Variants in RWDD3 observed in about 807,000 individuals in gnomAD.
The protein encoded by RWDD3 is RWD domain containing 3, also known as RWD domain-containing protein 3.
RWDD3 carries 30 observed loss-of-function variants against 26.5 expected under a neutral mutation model. The observed-to-expected ratio is 1.13, with a 90% CI of 0.85 to 1.54. The LOEUF (loss-of-function observed/expected upper bound fraction) is 1.54, where lower values mean the gene tolerates loss of function less well. Ranked by LOEUF, RWDD3 falls within the 40% of genes most tolerant of loss-of-function variation. The pLI, the probability that RWDD3 is intolerant of heterozygous loss-of-function variation, is 0.00. For synonymous variants in RWDD3, 113 were observed against 114.5 expected (o/e 0.99, Z 0.09); for missense variants, 296 against 309.1 (o/e 0.96, Z 0.32).
At chr1:95,242,388 A>G (rs1680667824) in intron 1 of RWDD3, among the ~76,000 whole-genome samples, 1 of 152,144 alleles carries the variant, frequency 6.6e-6, no homozygotes, top group African/African-American at 2.4e-5. Context: ...CAGTGCCTTG[A>G]GCTTAGTAGG....
chr1:95,236,446 T>A (rs1437666956), intron 1 of RWDD3, among the ~76,000 whole-genome samples: 2 of 152,238 alleles, frequency 1.3e-5, no homozygotes, highest in Non-Finnish European at 2.9e-5. Flanking sequence ...GACAGGGAGT[T>A]GACTTCCATT....
At chr1:95,238,019 G>T (rs1404750373) in intron 1 of RWDD3, among the ~76,000 whole-genome samples, 4 of 152,216 alleles carry the variant, frequency 2.6e-5, no homozygotes, top group African/African-American at 9.6e-5. Context: ...AAAGGGGAGT[G>T]TTTGTGCATG....
intron 1 of RWDD3, among the ~76,000 whole-genome samples, chr1:95,242,277 A>G (rs1403490260): frequency 6.6e-6 from 1 of 152,234 alleles, no homozygotes; most frequent in East Asian, 1.9e-4. Context: ...GTCAAGGAAG[A>G]TCACTTGGGA....
In RWDD3 at chr1:95,241,611, G is replaced by C. The variant is rs115678544; in HGVS notation, c.86-2600G>C. Among the ~76,000 whole-genome samples, 933 of 152,292 alleles carry C rather than the reference G, an allele frequency of 6.1e-3. 11 individuals carry two copies. Among genetic ancestry groups the C allele is most frequent in the African/African-American group, 0.021 (857 of 41,558 alleles). ...AAAGTCCTTGAACAAAGATATTAAT[G>C]CCCTTTGCTCAGAAGGCATTCAGAA... On this transcript the variant is annotated intron_variant, in intron 1 of 3. Coordinates refer to ENST00000370202, the MANE Select transcript of RWDD3 (RefSeq NM_015485.5).
chr1:95,241,880 G>A (rs1171098031), intron 1 of RWDD3, among the ~76,000 whole-genome samples: 2 of 152,204 alleles, frequency 1.3e-5, no homozygotes, highest in South Asian at 2.1e-4. Context: ...CCCCAGGGGA[G>A]AGCAGTCATG....
intron 1 of RWDD3, among the ~76,000 whole-genome samples, chr1:95,241,674 C>T (rs1464026610): frequency 1.3e-5 from 2 of 152,168 alleles, no homozygotes; most frequent in African/African-American, 4.8e-5. Context: ...AGACACTGAC[C>T]TAGTGATGGA....
In RWDD3 at chr1:95,244,202, G is replaced by C; in HGVS notation, c.86-9G>C. On this transcript the variant is annotated splice_polypyrimidine_tract_variant and intron_variant, in intron 1 of 3. Transcript: ENST00000370202. ...GTACAGCTAATGATTATTTTTGGATGCCTTCCAGAGACAGATGGGACCGTG... is the reference window on the plus strand; with the variant it reads ...GTACAGCTAATGATTATTTTTGGATCCCTTCCAGAGACAGATGGGACCGTG... 1 of 1,608,562 alleles carries C rather than the reference G, an allele frequency of 6.2e-7. No homozygotes were observed. Among genetic ancestry groups the C allele is most frequent in the Non-Finnish European group, 8.5e-7 (1 of 1,176,120 alleles).
chr1:95,234,236 G>T lies in RWDD3; in HGVS notation c.6G>T (p.Ala2=). M[A]EPVQEELSVL... is the part of the protein sequence containing the mutation. ...AGGCGGTGGGGCCCACAGCCATGGC[G>T]GAGCCTGTGCAGGAGGAGCTCTCGG... The change falls in exon 1 of 4, where the codon GCG becomes GCT. Residue 2 remains alanine (A), a synonymous_variant. Coordinates refer to ENST00000370202, the MANE Select transcript of RWDD3 (RefSeq NM_015485.5). 1 of 1,589,004 alleles carries T rather than the reference G, an allele frequency of 6.3e-7. No individual in the cohort carries two copies. The highest frequency in any genetic ancestry group is 2.3e-5 in the East Asian group (1 of 43,724).
rs138789182 is a variant in RWDD3 at position 95,240,847 on chromosome 1, G to A, written c.86-3364G>A. Among the ~76,000 whole-genome samples, 929 of 150,572 alleles carry A rather than the reference G, an allele frequency of 6.2e-3. 3 individuals are homozygous for A. Among genetic ancestry groups the A allele is most frequent in the South Asian group, 0.019 (91 of 4,776 alleles). On this transcript the variant is annotated intron_variant, in intron 1 of 3. Coordinates refer to ENST00000370202, the MANE Select transcript of RWDD3 (RefSeq NM_015485.5). ...TGAATGCTAAGTATGAAAGAAGGAGGGAAAAAAAAAAGTTGAAGGCAGCTT... is the reference window on the plus strand; with the variant it reads ...TGAATGCTAAGTATGAAAGAAGGAGAGAAAAAAAAAAGTTGAAGGCAGCTT...
intron 1 of RWDD3, chr1:95,239,886 GT>G (rs1287200908): frequency 7.8e-7 from 1 of 1,289,660 alleles, no homozygotes; most frequent in African/African-American, 1.5e-5. Context: ...CTTTCCTGTG[GT>G]TCCCTGCACC....
chr1:95,234,644 T>C (rs77452279), intron 1 of RWDD3, among the ~76,000 whole-genome samples: 2 of 127,708 alleles, frequency 1.6e-5, no homozygotes, highest in Admixed American at 1.8e-4. Flanking sequence ...TAAAGAAGCC[T>C]GTGCTGACGC....
At chr1:95,246,429 A>G (rs1227233412) in intron 2 of RWDD3, 113 bp from the exon 3 acceptor site, 2 of 588,334 alleles carry the variant, frequency 3.4e-6, no homozygotes, top group Admixed American at 3.1e-5. Context: ...TGCTTGATTT[A>G]AAAAGGGGGT....
intron 1 of RWDD3, among the ~76,000 whole-genome samples, chr1:95,238,978 AAGAC>A (rs1192279881): frequency 3.9e-5 from 6 of 152,222 alleles, no homozygotes; most frequent in Non-Finnish European, 7.3e-5. Flanking sequence ...CACTTACTAT[AAGAC>A]AGAATGATTT....
At chr1:95,236,643 C>T (rs1680373487) in intron 1 of RWDD3, among the ~76,000 whole-genome samples, 1 of 152,136 alleles carries the variant, frequency 6.6e-6, no homozygotes, top group African/African-American at 2.4e-5. Context: ...CTTGTCATCC[C>T]TCTTCTGATT....
Position 95,234,257 on chromosome 1 carries a change from C to T in RWDD3, c.27C>T (p.Leu9=). Residue 9 remains leucine, a synonymous_variant, in exon 1 of 4, where the codon CTC becomes CTT. Coordinates refer to ENST00000370202, the MANE Select transcript of RWDD3 (RefSeq NM_015485.5). MAEPVQEE[L]SVLAAIFCRP... is the part of the protein sequence containing the mutation. ...TGGCGGAGCCTGTGCAGGAGGAGCT[C>T]TCGGTCCTGGCCGCGATTTTCTGCA... 1 of 1,597,254 alleles carries T rather than the reference C, an allele frequency of 6.3e-7. No homozygotes were observed. The highest frequency in any genetic ancestry group is 8.5e-7 in the Non-Finnish European group (1 of 1,172,498).
At chr1:95,235,349 GC>G (rs1680279694) in intron 1 of RWDD3, among the ~76,000 whole-genome samples, 2 of 63,128 alleles carry the variant, frequency 3.2e-5, no homozygotes, top group South Asian at 7.5e-4. Flanking sequence ...ACTGCGCCCG[GC>G]CTTTTTTTTT....
intron 1 of RWDD3, among the ~76,000 whole-genome samples, chr1:95,240,849 A>G (rs1041322925): frequency 1.4e-5 from 2 of 148,026 alleles, no homozygotes; most frequent in Non-Finnish European, 3.0e-5. Context: ...AGAAGGAGGG[A>G]AAAAAAAAAG....
At chr1:95,238,620 G>GA (rs36084036) in intron 1 of RWDD3, among the ~76,000 whole-genome samples, 123,763 of 150,502 alleles carry the variant, frequency 0.82, 51,317 homozygotes, top group South Asian at 0.93. Flanking sequence ...CAATTGCAAA[G>GA]AAAAAAAACA....
chr1:95,234,451 T>G, intron 1 of RWDD3, 136 bp downstream of exon 1: 2 of 762,448 alleles, frequency 2.6e-6, no homozygotes, highest in Non-Finnish European at 4.3e-6. Context: ...AATGATGGAA[T>G]GACACGCCCG....
Sources: gnomAD v4.1 joint callset for allele counts (sites outside exome capture counted in the v4.1 genomes callset) on GRCh38, gnomAD v4.1.1 for gene constraint, MANE v1.5 for transcripts, NCBI Gene and HGNC (gene_info 2026-07-23, HGNC 2026-07-21) for gene names.